Variants in KALRN observed in about 807,000 individuals in gnomAD.
The protein encoded by KALRN is kalirin.
KALRN carries 70 observed loss-of-function variants against 353.7 expected under a neutral mutation model. The ratio of observed to expected loss-of-function variants is 0.20; its 90% CI spans 0.16 to 0.24. KALRN has a LOEUF of 0.24. Among genes scored for constraint, KALRN ranks in the 10% least tolerant of loss-of-function variants. The pLI, the probability that KALRN is intolerant of heterozygous loss-of-function variation, is 1.00. For synonymous variants in KALRN, 1,391 were observed against 1,434.8 expected (o/e 0.97, Z 0.69); for missense variants, 2,791 against 3,756.7 (o/e 0.74, Z 6.72).
At chr3:124,518,210 C>G (rs2066838766) in intron 33 of KALRN, among the ~76,000 whole-genome samples, 1 of 152,196 alleles carries the variant, frequency 6.6e-6, no homozygotes, top group Non-Finnish European at 1.5e-5. Flanking sequence ...GTCTTACACA[C>G]ACTGTTTCCT....
chr3:124,597,482 G>A, intron 34 of KALRN, among the ~76,000 whole-genome samples: 1 of 152,318 alleles, frequency 6.6e-6, no homozygotes, highest in Admixed American at 6.5e-5. Flanking sequence ...ACTCCCCAGG[G>A]GATGCAGGGT....
At chr3:124,145,346 T>C (rs1276733533) in intron 1 of KALRN, among the ~76,000 whole-genome samples, 1 of 152,206 alleles carries the variant, frequency 6.6e-6, no homozygotes, top group East Asian at 1.9e-4. Flanking sequence ...GAATTGCCTA[T>C]GGAACCTGAA....
At chr3:124,277,303 AAGGC>A (rs1433306235) in intron 5 of KALRN, among the ~76,000 whole-genome samples, 1 of 151,938 alleles carries the variant, frequency 6.6e-6, no homozygotes, top group Non-Finnish European at 1.5e-5. Context: ...TTTTTGGAGA[AAGGC>A]TCCGGTGCCC....
intron 1 of KALRN, among the ~76,000 whole-genome samples, chr3:124,197,745 T>C (rs2075581715): frequency 2.0e-5 from 3 of 152,216 alleles, no homozygotes; most frequent in Admixed American, 1.3e-4. Flanking sequence ...CTGCTGTGCA[T>C]AGGGAGGGAT....
intron 1 of KALRN, among the ~76,000 whole-genome samples, chr3:124,084,038 A>G (rs2060676323): frequency 6.6e-6 from 1 of 152,210 alleles, no homozygotes; most frequent in Non-Finnish European, 1.5e-5. Flanking sequence ...CACATTTTCC[A>G]CAGTAGATTC....
intron 1 of KALRN, among the ~76,000 whole-genome samples, chr3:124,042,112 G>C (rs2040020262): frequency 6.6e-6 from 1 of 152,200 alleles, no homozygotes; most frequent in South Asian, 2.1e-4. Context: ...GGACAGGGAA[G>C]ACAGAAAGTG....
intron 33 of KALRN, among the ~76,000 whole-genome samples, chr3:124,536,746 C>A (rs995005986): frequency 6.6e-6 from 1 of 152,096 alleles, no homozygotes; most frequent in Non-Finnish European, 1.5e-5. Context: ...TAAGACAGAT[C>A]AATTTTTAAA....
chr3:124,215,027 T>C (rs1039129721), intron 1 of KALRN, among the ~76,000 whole-genome samples: 21 of 152,144 alleles, frequency 1.4e-4, no homozygotes, highest in Non-Finnish European at 2.2e-4. Context: ...TAGATCTTTA[T>C]GTAGAACCCA....
chr3:124,462,396 C>A, intron 24 of KALRN, 128 bp from the exon 25 acceptor site: 3 of 593,866 alleles, frequency 5.1e-6, no homozygotes, highest in South Asian at 2.2e-5. Flanking sequence ...CTTAACACGT[C>A]ACTTTTTAAA....
At chr3:124,351,337 C>G (rs970799393) in intron 10 of KALRN, among the ~76,000 whole-genome samples, 4 of 152,064 alleles carry the variant, frequency 2.6e-5, no homozygotes, top group Admixed American at 1.3e-4. Context: ...GGGTAGGAGC[C>G]TGGGGTAACT....
chr3:124,540,744 T>A (rs2068947641), intron 33 of KALRN, among the ~76,000 whole-genome samples: 1 of 152,204 alleles, frequency 6.6e-6, no homozygotes, highest in Admixed American at 6.5e-5. Context: ...GAAGGTCAAT[T>A]TTTTGGCAGA....
At chr3:124,607,840 A>G (rs750923399) in intron 34 of KALRN, among the ~76,000 whole-genome samples, 10 of 152,078 alleles carry the variant, frequency 6.6e-5, no homozygotes, top group Non-Finnish European at 8.8e-5. Flanking sequence ...CCTGGCCTCA[A>G]GTGATCTGCC....
chr3:124,581,121 C>T (rs6772598), intron 34 of KALRN, among the ~76,000 whole-genome samples: 34,169 of 151,820 alleles, frequency 0.23, 4,305 homozygotes, highest in East Asian at 0.33. Flanking sequence ...TTGACCTTGC[C>T]AACTTAAGAT....
chr3:124,346,700 A>C (rs969565077), intron 9 of KALRN, among the ~76,000 whole-genome samples: 3 of 152,136 alleles, frequency 2.0e-5, no homozygotes, highest in Non-Finnish European at 2.9e-5. Context: ...GATCCCCATG[A>C]CTGGTCACCA....
intron 2 of KALRN, among the ~76,000 whole-genome samples, chr3:124,228,454 G>A (rs752913845): frequency 2.0e-5 from 3 of 152,168 alleles, no homozygotes; most frequent in Non-Finnish European, 2.9e-5. Flanking sequence ...TTATCTTTCT[G>A]TCCTGGCAAA....
chr3:124,305,867 A>G (rs1405653253), intron 6 of KALRN, among the ~76,000 whole-genome samples: 2 of 149,618 alleles, frequency 1.3e-5, no homozygotes, highest in East Asian at 1.9e-4. Context: ...TATGACCAGG[A>G]AAAAAAAGGA....
At chr3:124,361,962 T>G (rs2084093752) in intron 10 of KALRN, among the ~76,000 whole-genome samples, 1 of 152,120 alleles carries the variant, frequency 6.6e-6, no homozygotes, top group Admixed American at 6.5e-5. Context: ...TTCCTGCTGG[T>G]CCAGGTGTGA....
At chr3:124,587,698 CTTTTTTTTT>C (rs529810541) in intron 34 of KALRN, among the ~76,000 whole-genome samples, 26 of 75,862 alleles carry the variant, frequency 3.4e-4, no homozygotes, top group Admixed American at 7.6e-4. Context: ...CCACCCTCCA[CTTTTTTTTT>C]TTTTTTTTTT....
At chr3:124,459,537 T>C (rs1036254939) in intron 23 of KALRN, among the ~76,000 whole-genome samples, 6 of 152,250 alleles carry the variant, frequency 3.9e-5, no homozygotes, top group Admixed American at 6.5e-5. Flanking sequence ...TTTTCTTCTT[T>C]GGTTGTTTGG....
Sources: allele counts gnomAD v4.1 joint callset (sites outside exome capture counted in the v4.1 genomes callset), GRCh38; gene constraint gnomAD v4.1.1; transcripts MANE v1.5; gene names NCBI Gene and HGNC (gene_info 2026-07-23, HGNC 2026-07-21).